The following KLHDC8B variants were observed in gnomAD, a reference collection of about 807,000 sequenced individuals.
KLHDC8B encodes the protein kelch domain containing 8B.
KLHDC8B carries 19 observed loss-of-function variants against 26.3 expected under a neutral mutation model. The ratio of observed to expected loss-of-function variants is 0.72; its 90% CI spans 0.50 to 1.06. KLHDC8B has a LOEUF of 1.06. KLHDC8B is among the 50% of genes least tolerant of loss of function. The probability of loss-of-function intolerance (pLI) is 0.00; values close to 1 mark genes in which losing one functional copy is unlikely to be tolerated. For synonymous variants in KLHDC8B, 150 were observed against 188.4 expected (o/e 0.80, Z 1.67); for missense variants, 411 against 488.1 (o/e 0.84, Z 1.49).
At chr3:49,174,184 G>A in intron 2 of KLHDC8B, 55 bp from the exon 3 acceptor site, 1 of 1,425,982 alleles carries the variant, frequency 7.0e-7, no homozygotes, top group Non-Finnish European at 9.7e-7. Flanking sequence ...GCAGCTGTCA[G>A]GGTGGGGTAC....
rs528140687 is a variant in KLHDC8B, at chr3:49,174,699, A to C, written c.542-43A>C. The C allele has an allele frequency of 1.1e-4, 176 of 1,557,944 alleles. 2 individuals are homozygous for C. In the South Asian group the frequency reaches 2.0e-3, roughly 17 times the overall value. On this transcript the variant is annotated intron_variant, in intron 3 of 5. Transcript: ENST00000332780. ...AACCTAGTGAGCAAGGAGCCCACCA[A>C]GCCTCCTGGGCTCCTTCCCAGGTAC...
At chr3:49,172,239 C>T (rs570431497) in intron 1 of KLHDC8B, among the ~76,000 whole-genome samples, 1 of 152,142 alleles carries the variant, frequency 6.6e-6, no homozygotes, top group African/African-American at 2.4e-5. Context: ...CCAGGGCACC[C>T]TGGAAGCCAG....
rs2045798703 is a variant in KLHDC8B, at chr3:49,174,291, C to T, written c.429C>T (p.Ala143=). The T allele has an allele frequency of 6.2e-7, 1 of 1,613,722 alleles. No homozygotes were observed. The highest frequency in any genetic ancestry group is 1.1e-5 in the South Asian group (1 of 91,078). The change falls in exon 3 of 6, where the codon GCC becomes GCT. Residue 143 remains alanine, a synonymous_variant. Coordinates refer to ENST00000332780, the MANE Select transcript of KLHDC8B (RefSeq NM_173546.3). The part of the protein sequence containing the change: ...GGMGPDTAPQ[A]QVRVYEPRRD... ...TGGGCCCTGACACGGCCCCCCAGGC[C>T]CAGGTACGTGTGTATGAGCCCCGTC...
rs1261836679 is a variant in KLHDC8B, at chr3:49,176,152, C to CT, written c.*351_*352insT. 9.1e-5 allele frequency: 20 copies of CT among 220,544 alleles called. No homozygotes were observed. Among genetic ancestry groups the CT allele is most frequent in the African/African-American group, 4.4e-4 (19 of 43,536 alleles). 13.7% of individuals were successfully genotyped at this position (220,544 alleles called of 1,614,324 possible). A position where few individuals can be genotyped will look rare whatever the true frequency, so the allele number is the denominator to read the frequency against. On this transcript the variant is annotated 3_prime_UTR_variant, in exon 6 of 6. Transcript: ENST00000332780. The stretch of plus-strand genomic sequence containing the variant: ...TATCTGGAGTTGACCAGGCCTACCC[C>CT]AGTTGCCATTCCTGAAAAATCTCAG...
At chr3:49,175,251 C>T in intron 5 of KLHDC8B, 88 bp downstream of exon 5, 1 of 1,032,098 alleles carries the variant, frequency 9.7e-7, no homozygotes, top group Non-Finnish European at 1.4e-6. Context: ...TGCCCATCTC[C>T]AGGCACTCCA....
At chr3:49,174,635 A>G in intron 3 of KLHDC8B, 107 bp from the exon 4 acceptor site, 1 of 1,427,024 alleles carries the variant, frequency 7.0e-7, no homozygotes, top group Non-Finnish European at 9.4e-7. Context: ...GCAAGTGTGC[A>G]CACAGCAGGA....
intron 5 of KLHDC8B, 69 bp downstream of exon 5, chr3:49,175,232 G>A (rs2045815688): frequency 2.3e-6 from 3 of 1,295,110 alleles, no homozygotes; most frequent in Non-Finnish European, 3.3e-6. Flanking sequence ...CAGCATGTGT[G>A]TCACCTTCTG....
chr3:49,174,899 T>C lies in KLHDC8B; in HGVS notation c.699T>C (p.Pro233=), dbSNP rs537443697. The C allele has an allele frequency of 2.2e-5, 36 of 1,614,196 alleles. No individual in the cohort carries two copies. The East Asian group carries it at 7.1e-4, about 32-fold the overall frequency. The change falls in exon 4 of 6, where the codon CCT becomes CCC. Residue 233 remains proline, a synonymous_variant. Transcript: ENST00000332780. ...SVFSLGGLQQ[P]GPHNFYSRPH... is the part of the protein sequence containing the mutation. ...TTAGCCTGGGTGGCCTGCAGCAGCC[T>C]GGGCCCCACAACTTCTACTCTCGCC...
chr3:49,176,120 C>A lies in KLHDC8B; in HGVS notation c.*319C>A, dbSNP rs1210988850. On this transcript the variant is annotated 3_prime_UTR_variant, in exon 6 of 6. Transcript: ENST00000332780. ...AAGCTGGCCTCATGCTCTTCAGGGT[C>A]AGTTCCTATCTGGAGTTGACCAGGC... The A allele has an allele frequency of 1.5e-5, 5 of 323,434 alleles. No individual in the cohort carries two copies. The South Asian group carries it at 2.2e-4, about 14-fold the overall frequency. The allele number at this position is 323,434 out of a possible 1,614,324, so 20.0% of individuals were successfully genotyped here. A position where few individuals can be genotyped will look rare whatever the true frequency, so the allele number is the denominator to read the frequency against.
At chr3:49,175,202 A>C (rs1559425674) in intron 5 of KLHDC8B, 39 bp downstream of exon 5, 2 of 1,511,146 alleles carry the variant, frequency 1.3e-6, no homozygotes, top group Non-Finnish European at 1.8e-6. Flanking sequence ...GGGAGTCCCA[A>C]GACAGGAAAG....
intron 2 of KLHDC8B, among the ~76,000 whole-genome samples, chr3:49,173,450 G>A (rs2045788585): frequency 6.6e-6 from 1 of 152,260 alleles, no homozygotes; most frequent in Middle Eastern, 3.4e-3. Context: ...ATGACTCCCA[G>A]GGTTATAAAT....
At chr3:49,174,110 G>A (rs1170198834) in intron 2 of KLHDC8B, 129 bp from the exon 3 acceptor site, 16 of 610,116 alleles carry the variant, frequency 2.6e-5, no homozygotes, top group Non-Finnish European at 4.0e-5. Context: ...GTAGTAGAGT[G>A]TCTGTTGCTG....
At chr3:49,174,997 C>T (rs376752134) in intron 4 of KLHDC8B, 31 bp downstream of exon 4, 10 of 1,613,828 alleles carry the variant, frequency 6.2e-6, no homozygotes, top group South Asian at 5.5e-5. Flanking sequence ...GCTGTCCTCC[C>T]GCTCTCTGTG....
Position 49,173,247 on chromosome 3 carries a change from T to C in KLHDC8B, c.376+102T>C. 3.3e-6 allele frequency: 4 copies of C among 1,221,134 alleles called. No individual in the cohort carries two copies. The South Asian group carries it at 4.6e-5, about 14-fold the overall frequency. The allele number at this position is 1,221,134 out of a possible 1,614,324, so 75.6% of individuals were successfully genotyped here. ...AGAGACTGAACAAGAGCTGTAATTT[T>C]TACATGGGTGCCCAGGATGTGGCCT... On this transcript the variant is annotated intron_variant, in intron 2 of 5. Coordinates refer to ENST00000332780, the MANE Select transcript of KLHDC8B (RefSeq NM_173546.3).
At chr3:49,174,997 C>G in intron 4 of KLHDC8B, 31 bp downstream of exon 4, 1 of 1,613,948 alleles carries the variant, frequency 6.2e-7, no homozygotes, top group Non-Finnish European at 8.5e-7. Flanking sequence ...GCTGTCCTCC[C>G]GCTCTCTGTG....
rs1394541852 is a variant in KLHDC8B at position 49,175,756 on chromosome 3, C to T, written c.1020C>T (p.Gly340=). Residue 340 remains glycine (G), a synonymous_variant, in exon 6 of 6, where the codon GGC becomes GGT. Coordinates refer to ENST00000332780, the MANE Select transcript of KLHDC8B (RefSeq NM_173546.3). The part of the protein sequence containing the change: ...RLFVIGGVAQ[G]PSQAVEALCL... ...TTGTTATTGGGGGTGTGGCCCAGGG[C>T]CCCAGTCAAGCCGTGGAGGCACTGT... 2 of 1,614,024 alleles carry T rather than the reference C, an allele frequency of 1.2e-6. No individual in the cohort carries two copies. Among genetic ancestry groups the T allele is most frequent in the Non-Finnish European group, 1.7e-6 (2 of 1,180,012 alleles).
At position 49,174,789 on chromosome 3, in the gene KLHDC8B, C is replaced by A. The variant is rs753584621; in HGVS notation, c.589C>A (p.Leu197Met). 6.2e-7 allele frequency: 1 copy of A among 1,613,666 alleles called. No individual in the cohort carries two copies. The highest frequency in any genetic ancestry group is 1.1e-5 in the South Asian group (1 of 91,064). ...GGTGACTGCTTTTGAAGCCTTTGAT[C>A]TGGAGGCCCGTACATGGACCCGGCA... ...LPVTAFEAFD[L>M]EARTWTRHPS... Residue 197 changes from leucine (L) to methionine (M), a missense_variant, in exon 4 of 6, where the codon CTG becomes ATG. Transcript: ENST00000332780.
chr3:49,172,987 C>G lies in KLHDC8B; in HGVS notation c.218C>G (p.Ala73Gly). The change falls in exon 2 of 6, where the codon GCT becomes GGT. Residue 73 changes from alanine (A) to glycine (G), a missense_variant. Ala to Gly is a moderately conservative substitution (Grantham distance 60, BLOSUM62 0). Coordinates refer to ENST00000332780, the MANE Select transcript of KLHDC8B (RefSeq NM_173546.3). The part of the protein sequence containing the change: ...APLPTARAGA[A>G]AVVLGKQVLV... Reference sequence around the variant, plus strand: ...CTGCCCACTGCCCGGGCTGGTGCAGCTGCGGTAGTTCTGGGCAAGCAGGTG... The same window carrying G: ...CTGCCCACTGCCCGGGCTGGTGCAGGTGCGGTAGTTCTGGGCAAGCAGGTG... The G allele has an allele frequency of 6.2e-7, 1 of 1,613,968 alleles. No homozygotes were observed. The highest frequency in any genetic ancestry group is 8.5e-7 in the Non-Finnish European group (1 of 1,179,998).
chr3:49,175,656 G>A lies in KLHDC8B; in HGVS notation c.920G>A (p.Arg307Gln), dbSNP rs1014237716. ...GSVESFSLAR[R>Q]RWEALPAMPT... ...GTGGAGAGCTTTAGCCTTGCACGGCGGCGCTGGGAGGCATTGCCTGCCATG... is the reference window on the plus strand; with the variant it reads ...GTGGAGAGCTTTAGCCTTGCACGGCAGCGCTGGGAGGCATTGCCTGCCATG... Residue 307 changes from arginine to glutamine, a missense_variant, in exon 6 of 6, where the codon CGG (arginine) becomes CAG (glutamine). By Grantham distance (43) the Arg-to-Gln change is conservative. Coordinates refer to ENST00000332780, the MANE Select transcript of KLHDC8B (RefSeq NM_173546.3). 10 of 1,607,070 alleles carry A rather than the reference G, an allele frequency of 6.2e-6. No individual in the cohort carries two copies. The highest frequency in any genetic ancestry group is 2.2e-5 in the East Asian group (1 of 44,814).
Sources: allele counts gnomAD v4.1 joint callset (sites outside exome capture counted in the v4.1 genomes callset), GRCh38; gene constraint gnomAD v4.1.1; transcripts MANE v1.5; gene names NCBI Gene and HGNC (gene_info 2026-07-23, HGNC 2026-07-21).